Variants in SLC9A9 observed in about 807,000 individuals in gnomAD.
SLC9A9 encodes sodium/hydrogen exchanger 9.
SLC9A9 carries 62 observed loss-of-function variants against 77.8 expected under a neutral mutation model. The observed-to-expected ratio is 0.80, with a 90% CI of 0.65 to 0.98. The LOEUF is 0.98. Ranked by LOEUF, SLC9A9 falls within the 50% of genes least tolerant of loss-of-function variation. The probability of loss-of-function intolerance (pLI) is 0.00; values close to 1 mark genes in which losing one functional copy is unlikely to be tolerated. For synonymous variants in SLC9A9, 320 were observed against 283.5 expected (o/e 1.13, Z -1.29); for missense variants, 775 against 774.9 (o/e 1.00, Z 0.00).
chr3:143,530,332 C>T (rs1344383942), intron 9 of SLC9A9, among the ~76,000 whole-genome samples: 3 of 152,066 alleles, frequency 2.0e-5, no homozygotes, highest in Non-Finnish European at 4.4e-5. Context: ...TACTGTTCTC[C>T]TGGTAGTGAA....
At chr3:143,657,482 C>T (rs1560016399) in intron 5 of SLC9A9, among the ~76,000 whole-genome samples, 1 of 152,174 alleles carries the variant, frequency 6.6e-6, no homozygotes, top group Non-Finnish European at 1.5e-5. Context: ...CCAGGGACCC[C>T]TGGAGGTTCC....
At chr3:143,708,843 G>A (rs1398512640) in intron 4 of SLC9A9, among the ~76,000 whole-genome samples, 1 of 152,194 alleles carries the variant, frequency 6.6e-6, no homozygotes, top group African/African-American at 2.4e-5. Context: ...CTCACAGCTT[G>A]GGAGGAGGGA....
rs1466657252 is a variant in SLC9A9, at chr3:143,640,166, C to T, written c.755+12089G>A. ...CCTCCCAGTTAGCTGGGACTACAGG[C>T]ACCGGCCACCACGCCCGGCTAATTT... On this transcript the variant is annotated intron_variant, in intron 6 of 15. Coordinates refer to ENST00000316549, the MANE Select transcript of SLC9A9 (RefSeq NM_173653.4). 4.6e-5 allele frequency among the ~76,000 whole-genome samples: 7 copies of T among 151,994 alleles called. 1 individual carries two copies. Among genetic ancestry groups the T allele is most frequent in the Admixed American group, 3.9e-4 (6 of 15,256 alleles).
rs927483089 is a variant in SLC9A9 at position 143,502,687 on chromosome 3, C to T, written c.1090-7239G>A. 5.3e-5 allele frequency among the ~76,000 whole-genome samples: 8 copies of T among 152,110 alleles called. No homozygotes were observed. The South Asian group carries it at 1.5e-3, about 28-fold the overall frequency. ...GGCTCGACACAGCTTTTATGAGGCTCGACACAACCTGCTGACTTTCATCTA... is the reference window on the plus strand; with the variant it reads ...GGCTCGACACAGCTTTTATGAGGCTTGACACAACCTGCTGACTTTCATCTA... On this transcript the variant is annotated intron_variant, in intron 9 of 15. Transcript: ENST00000316549.
intron 4 of SLC9A9, among the ~76,000 whole-genome samples, chr3:143,715,718 G>A (rs1934326494): frequency 6.6e-6 from 1 of 152,116 alleles, no homozygotes; most frequent in Non-Finnish European, 1.5e-5. Flanking sequence ...GAAGGCCAAG[G>A]CAGGAATGAG....
At chr3:143,481,219 T>C (rs921232632) in intron 11 of SLC9A9, among the ~76,000 whole-genome samples, 1 of 152,144 alleles carries the variant, frequency 6.6e-6, no homozygotes, top group African/African-American at 2.4e-5. Context: ...ATGGTACAGC[T>C]TGATGACTAC....
intron 14 of SLC9A9, among the ~76,000 whole-genome samples, chr3:143,333,352 T>A (rs2031831694): frequency 6.6e-6 from 1 of 151,760 alleles, no homozygotes; most frequent in Admixed American, 6.6e-5. Flanking sequence ...TAATGCTCCA[T>A]GGCTGCCTAA....
intron 4 of SLC9A9, among the ~76,000 whole-genome samples, chr3:143,740,129 C>T (rs920813811): frequency 3.9e-5 from 6 of 152,082 alleles, no homozygotes; most frequent in East Asian, 1.9e-4. Flanking sequence ...TTAAAGAAGC[C>T]GCCAACTTGG....
intron 14 of SLC9A9, among the ~76,000 whole-genome samples, chr3:143,275,537 A>G (rs1447808449): frequency 6.6e-6 from 1 of 151,960 alleles, no homozygotes; most frequent in Non-Finnish European, 1.5e-5. Context: ...CTCTTGAATT[A>G]TTTTTATTTC....
chr3:143,846,756 T>C (rs2009839245), intron 1 of SLC9A9, among the ~76,000 whole-genome samples: 1 of 151,500 alleles, frequency 6.6e-6, no homozygotes, highest in African/African-American at 2.4e-5. Context: ...GCATTTGGGT[T>C]ATGTTTTTTT....
At chr3:143,430,344 CTT>C (rs2055241648) in intron 12 of SLC9A9, among the ~76,000 whole-genome samples, 1 of 152,190 alleles carries the variant, frequency 6.6e-6, no homozygotes, top group African/African-American at 2.4e-5. Context: ...ATAGAAACCT[CTT>C]TTGACAAAAC....
chr3:143,317,043 C>T (rs1359547347), intron 14 of SLC9A9, among the ~76,000 whole-genome samples: 1 of 152,160 alleles, frequency 6.6e-6, no homozygotes, highest in Non-Finnish European at 1.5e-5. Context: ...GCCTGAAATA[C>T]AGTCAGCACT....
At chr3:143,283,157 T>C (rs1184107112) in intron 14 of SLC9A9, among the ~76,000 whole-genome samples, 1 of 152,192 alleles carries the variant, frequency 6.6e-6, no homozygotes, top group African/African-American at 2.4e-5. Context: ...TTGAAAGGGA[T>C]TTAGGGCTTT....
intron 6 of SLC9A9, among the ~76,000 whole-genome samples, chr3:143,645,685 G>A (rs1417255527): frequency 6.6e-6 from 1 of 152,080 alleles, no homozygotes; most frequent in African/African-American, 2.4e-5. Flanking sequence ...AGCGTTCACT[G>A]GTATCACACT....
At chr3:143,467,665 A>G (rs2035306094) in intron 11 of SLC9A9, among the ~76,000 whole-genome samples, 1 of 151,870 alleles carries the variant, frequency 6.6e-6, no homozygotes, top group Non-Finnish European at 1.5e-5. Flanking sequence ...CCAGGAGTTC[A>G]AGGCTGCAAT....
At chr3:143,384,452 A>T (rs937061463) in intron 12 of SLC9A9, among the ~76,000 whole-genome samples, 6 of 152,200 alleles carry the variant, frequency 3.9e-5, no homozygotes, top group Admixed American at 3.9e-4. Flanking sequence ...CCACCACTGT[A>T]TCTGCTTAGG....
intron 8 of SLC9A9, among the ~76,000 whole-genome samples, chr3:143,561,562 G>A (rs1193664496): frequency 6.6e-6 from 1 of 152,136 alleles, no homozygotes; most frequent in Non-Finnish European, 1.5e-5. Context: ...GGTATCTTGG[G>A]CCTCGATGCT....
chr3:143,613,592 T>C (rs183391948), intron 6 of SLC9A9, among the ~76,000 whole-genome samples: 76 of 152,334 alleles, frequency 5.0e-4, no homozygotes, highest in African/African-American at 1.8e-3. Context: ...ATTATAACTT[T>C]CTTTTGTTTT....
chr3:143,512,575 T>C (rs1190453230), intron 9 of SLC9A9, among the ~76,000 whole-genome samples: 2 of 152,220 alleles, frequency 1.3e-5, no homozygotes, highest in African/African-American at 2.4e-5. Flanking sequence ...AATACCGTTA[T>C]GTCTAAAAAA....
Sources: allele counts gnomAD v4.1 joint callset (sites outside exome capture counted in the v4.1 genomes callset), GRCh38; gene constraint gnomAD v4.1.1; transcripts MANE v1.5; gene names NCBI Gene and HGNC (gene_info 2026-07-23, HGNC 2026-07-21).